Variants in ALMS1 observed in about 807,000 individuals in gnomAD.
ALMS1 encodes the protein ALMS1 centrosome and basal body associated protein.
Under a neutral mutation model 352.2 loss-of-function variants are expected in ALMS1, and 271 were observed. The observed-to-expected ratio is 0.77, with a 90% CI of 0.70 to 0.85. The LOEUF (loss-of-function observed/expected upper bound fraction) is 0.85, where lower values mean the gene tolerates loss of function less well. Ranked by LOEUF, ALMS1 falls within the 40% of genes least tolerant of loss-of-function variation. The pLI, the probability that ALMS1 is intolerant of heterozygous loss-of-function variation, is 0.00. For missense variants in ALMS1, 5,445 were observed against 4,870.7 expected, an observed-to-expected ratio of 1.12 and a Z score of -3.51; for synonymous variants, 1,865 against 1,761.2, an observed-to-expected ratio of 1.06 and a Z score of -1.48.
intron 16 of ALMS1, among the ~76,000 whole-genome samples, chr2:73,579,866 T>C (rs1259518612): frequency 6.6e-6 from 1 of 152,172 alleles, no homozygotes; most frequent in Non-Finnish European, 1.5e-5. Flanking sequence ...TCTTTCAGTT[T>C]ATCCTACTAA....
At chr2:73,464,530 A>T (rs571071559) in intron 9 of ALMS1, among the ~76,000 whole-genome samples, 2 of 152,142 alleles carry the variant, frequency 1.3e-5, no homozygotes, top group East Asian at 1.9e-4. Flanking sequence ...CTTTGAAAAC[A>T]GGCACAAGAC....
chr2:73,500,641 T>C (rs1345500987), intron 10 of ALMS1, among the ~76,000 whole-genome samples: 1 of 152,174 alleles, frequency 6.6e-6, no homozygotes, highest in African/African-American at 2.4e-5. Context: ...GACCCTTCTT[T>C]CATTCCTGAA....
chr2:73,443,444 T>G (rs1371619360), intron 7 of ALMS1, among the ~76,000 whole-genome samples: 1 of 152,198 alleles, frequency 6.6e-6, no homozygotes, highest in African/African-American at 2.4e-5. Flanking sequence ...CTTTGCTGTC[T>G]TTCAGGAAAA....
At chr2:73,389,898 C>G (rs566794774) in intron 1 of ALMS1, among the ~76,000 whole-genome samples, 2 of 152,064 alleles carry the variant, frequency 1.3e-5, no homozygotes, top group African/African-American at 4.8e-5. Flanking sequence ...CCATGTTGGC[C>G]AGGCTGGTCT....
At chr2:73,473,936 G>GAC (rs375518996) in intron 9 of ALMS1, among the ~76,000 whole-genome samples, 10 of 151,872 alleles carry the variant, frequency 6.6e-5, no homozygotes, top group African/African-American at 2.4e-4. Flanking sequence ...GAGAGAGAGA[G>GAC]AGAGAGAGAG....
At chr2:73,537,225 G>A (rs191149341) in intron 12 of ALMS1, among the ~76,000 whole-genome samples, 1 of 152,344 alleles carries the variant, frequency 6.6e-6, no homozygotes, top group Admixed American at 6.5e-5. Flanking sequence ...GAGGTAAACA[G>A]TAAACTAACT....
rs761650480 is a variant in ALMS1, at chr2:73,519,883, T to G, written c.9648T>G (p.Ser3216=). Residue 3216 remains serine, a synonymous_variant, in exon 11 of 23, where the codon TCT becomes TCG. Transcript: ENST00000613296. The part of the protein sequence containing the change: ...TESPEKTLFS[S]EIFINAEDRG... Reference sequence around the variant, plus strand: ...GTCCAGAAAAGACCCTATTTTCATCTGAGATTTTTATTAATGCTGAAGATC... The same window carrying G: ...GTCCAGAAAAGACCCTATTTTCATCGGAGATTTTTATTAATGCTGAAGATC... 5 of 1,614,026 alleles carry G rather than the reference T, an allele frequency of 3.1e-6. No homozygotes were observed. Among genetic ancestry groups the G allele is most frequent in the South Asian group, 1.1e-5 (1 of 91,086 alleles).
chr2:73,540,525 ATTAATC>A (rs1674150290), intron 12 of ALMS1, among the ~76,000 whole-genome samples: 1 of 152,228 alleles, frequency 6.6e-6, no homozygotes, highest in Non-Finnish European at 1.5e-5. Context: ...ACATAACAAT[ATTAATC>A]TTAAATGTAA....
Position 73,490,370 on chromosome 2 carries a change from G to A in ALMS1, c.8411G>A (p.Arg2804His), listed in dbSNP as rs201252809. 769 of 1,613,338 alleles carry A rather than the reference G, an allele frequency of 4.8e-4. 2 individuals carry two copies. The highest frequency in any genetic ancestry group is 5.9e-4 in the Non-Finnish European group (697 of 1,179,692). Residue 2804 changes from arginine (R) to histidine (H), a missense_variant, in exon 10 of 23, where the codon CGT becomes CAT. Coordinates refer to ENST00000613296, the MANE Select transcript of ALMS1 (RefSeq NM_001378454.1). ...QSQKLPVDFE[R>H]SFQEEKPLER... is the part of the protein sequence containing the mutation. ...CAAAAATTACCTGTTGATTTTGAGC[G>A]TTCTTTTCAAGAAGAAAAACCCTTA...
intron 16 of ALMS1, among the ~76,000 whole-genome samples, chr2:73,599,108 A>G (rs1675616399): frequency 6.6e-6 from 1 of 152,196 alleles, no homozygotes. Context: ...CATTCTGAAG[A>G]TGCATCAGAC....
chr2:73,605,706 G>C (rs543965731), intron 21 of ALMS1, among the ~76,000 whole-genome samples: 1 of 152,244 alleles, frequency 6.6e-6, no homozygotes, highest in East Asian at 1.9e-4. Flanking sequence ...AGCTGGGCAT[G>C]GTGGTGGGTA....
At position 73,426,436 on chromosome 2, in the gene ALMS1, TG is replaced by T. The variant is rs746989906; in HGVS notation, c.1238-16del. On this transcript the variant is annotated splice_polypyrimidine_tract_variant and intron_variant, in intron 5 of 22. Coordinates refer to ENST00000613296, the MANE Select transcript of ALMS1 (RefSeq NM_001378454.1). ...TTACTATACATACAATTATGCAAAA[TG>T]ACTCCTATTTTGTAGAGGGCCTGCA... 4.3e-5 allele frequency: 69 copies of T among 1,613,154 alleles called. No individual in the cohort carries two copies. Among genetic ancestry groups the T allele is most frequent in the Non-Finnish European group, 5.7e-5 (67 of 1,179,256 alleles).
At position 73,455,095 on chromosome 2, in the gene ALMS1, G is replaced by C. The variant is rs1342818545; in HGVS notation, c.7541-67G>C. ...AAATTGCATATATTGATGATCTTCTGTGTTGCAATTGTTGACAAATTATCA... is the reference window on the plus strand; with the variant it reads ...AAATTGCATATATTGATGATCTTCTCTGTTGCAATTGTTGACAAATTATCA... On this transcript the variant is annotated intron_variant, in intron 8 of 22. Transcript: ENST00000613296. The C allele has an allele frequency of 3.3e-6, 5 of 1,534,978 alleles. No homozygotes were observed. The Admixed American group carries it at 6.7e-5, about 21-fold the overall frequency.
At chr2:73,391,392 C>G (rs905872994) in intron 1 of ALMS1, among the ~76,000 whole-genome samples, 3 of 147,248 alleles carry the variant, frequency 2.0e-5, no homozygotes, top group African/African-American at 7.7e-5. Context: ...CTCCCGAGTT[C>G]ATGCCATTCT....
intron 9 of ALMS1, among the ~76,000 whole-genome samples, chr2:73,467,952 C>A (rs1167552818): frequency 6.6e-6 from 1 of 151,972 alleles, no homozygotes; most frequent in Non-Finnish European, 1.5e-5. Flanking sequence ...ACTGGGAAGA[C>A]GCACAAGAGG....
At chr2:73,558,175 A>G (rs567157479) in intron 14 of ALMS1, among the ~76,000 whole-genome samples, 34 of 152,322 alleles carry the variant, frequency 2.2e-4, no homozygotes, top group African/African-American at 7.7e-4. Flanking sequence ...TATTCTAATA[A>G]CAATGTGCCC....
intron 9 of ALMS1, among the ~76,000 whole-genome samples, chr2:73,485,845 G>A (rs530711890): frequency 6.6e-5 from 10 of 152,248 alleles, no homozygotes; most frequent in South Asian, 4.1e-4. Context: ...TTCCAGGTGC[G>A]TCCGTCACCC....
rs568905915 is a variant in ALMS1 at position 73,474,961 on chromosome 2, C to T, written c.7675-14673C>T. ...CACTTTCTCTCCCAATTCTTTTTTGCCAATTCTGGACATTTTATATAAACA... is the reference window on the plus strand; with the variant it reads ...CACTTTCTCTCCCAATTCTTTTTTGTCAATTCTGGACATTTTATATAAACA... On this transcript the variant is annotated intron_variant, in intron 9 of 22. Transcript: ENST00000613296. Among the ~76,000 whole-genome samples, 22 of 152,180 alleles carry T rather than the reference C, an allele frequency of 1.4e-4. No individual in the cohort carries two copies. In the East Asian group the frequency reaches 3.5e-3, roughly 24 times the overall value.
chr2:73,522,738 A>T (rs1210568360), intron 11 of ALMS1, among the ~76,000 whole-genome samples: 1 of 152,120 alleles, frequency 6.6e-6, no homozygotes, highest in Non-Finnish European at 1.5e-5. Context: ...AAGTGTTGGG[A>T]TTACAGGCGT....
Sources: gnomAD v4.1 joint callset for allele counts (sites outside exome capture counted in the v4.1 genomes callset) on GRCh38, gnomAD v4.1.1 for gene constraint, MANE v1.5 for transcripts, NCBI Gene and HGNC (gene_info 2026-07-23, HGNC 2026-07-21) for gene names.